Variants in CLSTN2 observed in about 807,000 individuals in gnomAD.
The protein encoded by CLSTN2 is calsyntenin 2.
CLSTN2 carries 48 observed loss-of-function variants against 101.2 expected under a neutral mutation model. The observed-to-expected ratio is 0.47, with a 90% CI of 0.38 to 0.60. The LOEUF (loss-of-function observed/expected upper bound fraction) is 0.60. Among genes scored for constraint, CLSTN2 ranks in the 20% least tolerant of loss-of-function variants. The pLI is 0.00. For missense variants in CLSTN2, 1,160 were observed against 1,238.2 expected (o/e 0.94, Z 0.95); for synonymous variants, 481 against 463.6 (o/e 1.04, Z -0.48).
At chr3:140,038,233 A>G (rs1159882632) in intron 1 of CLSTN2, among the ~76,000 whole-genome samples, 1 of 151,956 alleles carries the variant, frequency 6.6e-6, no homozygotes, top group African/African-American at 2.4e-5. Context: ...TTTAATAATC[A>G]CCATTCTGAC....
At chr3:140,339,025 G>T (rs79674896) in intron 2 of CLSTN2, among the ~76,000 whole-genome samples, 7 of 152,226 alleles carry the variant, frequency 4.6e-5, no homozygotes, top group South Asian at 2.1e-4. Flanking sequence ...GTCATGCTGC[G>T]CAGTGGCTCA....
chr3:140,515,724 G>T lies in CLSTN2; in HGVS notation c.1345-16600G>T, dbSNP rs540306403. 3.3e-5 allele frequency among the ~76,000 whole-genome samples: 5 copies of T among 152,214 alleles called. No individual in the cohort carries two copies. The South Asian group carries it at 1.0e-3, about 32-fold the overall frequency. Reference sequence around the variant, plus strand: ...TTTCCAATTTCATTGTGGTCTGAGAGAGTGTTTGATATAATTTCAATTTTT... The same window carrying T: ...TTTCCAATTTCATTGTGGTCTGAGATAGTGTTTGATATAATTTCAATTTTT... On this transcript the variant is annotated intron_variant, in intron 8 of 16. Transcript: ENST00000458420.
rs779137835 is a variant in CLSTN2, at chr3:140,299,320, G to A, written c.233-104309G>A. The stretch of plus-strand genomic sequence containing the variant: ...GCCGTTGTCCTTAACCAAACCTATA[G>A]GAATCCTTAGCCAAAAAAGATATTT... On this transcript the variant is annotated intron_variant, in intron 2 of 16. Coordinates refer to ENST00000458420, the MANE Select transcript of CLSTN2 (RefSeq NM_022131.3). Among the ~76,000 whole-genome samples, 4 of 152,108 alleles carry A rather than the reference G, an allele frequency of 2.6e-5. 1 individual carries two copies. The highest frequency in any genetic ancestry group is 5.9e-5 in the Non-Finnish European group (4 of 68,018).
intron 2 of CLSTN2, among the ~76,000 whole-genome samples, chr3:140,264,336 T>A (rs1446809450): frequency 8.3e-6 from 1 of 120,176 alleles, no homozygotes; most frequent in Admixed American, 8.9e-5. Flanking sequence ...CAGGCATGAG[T>A]TACAGAGCTG....
chr3:140,561,719 AG>A (rs1244510752), intron 12 of CLSTN2, among the ~76,000 whole-genome samples: 1 of 152,166 alleles, frequency 6.6e-6, no homozygotes, highest in African/African-American at 2.4e-5. Context: ...GCATGGTGGA[AG>A]GCCACTTACC....
chr3:140,519,856 C>A (rs1934992419), intron 8 of CLSTN2, among the ~76,000 whole-genome samples: 1 of 152,168 alleles, frequency 6.6e-6, no homozygotes, highest in South Asian at 2.1e-4. Flanking sequence ...CATCATGATG[C>A]TAGCTGGTTA....
In CLSTN2 at chr3:140,198,972, G is replaced by A. The variant is rs187386753; in HGVS notation, c.232+22899G>A. Among the ~76,000 whole-genome samples the A allele has an allele frequency of 7.9e-4, 121 of 152,296 alleles. 1 individual carries two copies. The highest frequency in any genetic ancestry group is 1.5e-3 in the Non-Finnish European group (104 of 68,024). Reference sequence around the variant, plus strand: ...TGGCTCTCAGCATCTAGGGAGGTCTGATTCTAATTCCCAGGTAGGATTCTC... The same window carrying A: ...TGGCTCTCAGCATCTAGGGAGGTCTAATTCTAATTCCCAGGTAGGATTCTC... On this transcript the variant is annotated intron_variant, in intron 2 of 16. Transcript: ENST00000458420.
chr3:140,152,200 T>A (rs891251803), intron 1 of CLSTN2, among the ~76,000 whole-genome samples: 20 of 152,322 alleles, frequency 1.3e-4, no homozygotes, highest in African/African-American at 4.8e-4. Flanking sequence ...CATGTTCTAA[T>A]GTCCTTGGGA....
chr3:140,270,786 C>T (rs779331316), intron 2 of CLSTN2, among the ~76,000 whole-genome samples: 5 of 152,168 alleles, frequency 3.3e-5, no homozygotes, highest in Non-Finnish European at 5.9e-5. Context: ...GCTTTATTCT[C>T]TCTTGAAAAG....
chr3:140,378,799 TGTG>T (rs954592023), intron 2 of CLSTN2, among the ~76,000 whole-genome samples: 1 of 152,184 alleles, frequency 6.6e-6, no homozygotes. Context: ...TTCTCTAAAA[TGTG>T]GTAAAAATAG....
At position 140,205,621 on chromosome 3, in the gene CLSTN2, C is replaced by CCCA. The variant is rs1280397324; in HGVS notation, c.232+29550_232+29551insACC. Among the ~76,000 whole-genome samples, 16 of 98,952 alleles carry CCCA rather than the reference C, an allele frequency of 1.6e-4. 2 individuals are homozygous for CCCA. Among genetic ancestry groups the CCCA allele is most frequent in the Non-Finnish European group, 3.2e-4 (15 of 47,568 alleles). 64.9% of individuals were successfully genotyped at this position (98,952 alleles called of 152,430 possible). A position where few individuals can be genotyped will look rare whatever the true frequency, so the allele number is the denominator to read the frequency against. The stretch of plus-strand genomic sequence containing the variant: ...AGTTGTTGTTTGGACCTGACCCGCC[C>CCCA]CCCACCCACACACACACACAGCCAC... On this transcript the variant is annotated intron_variant, in intron 2 of 16. Transcript: ENST00000458420.
intron 2 of CLSTN2, among the ~76,000 whole-genome samples, chr3:140,219,059 C>T (rs2086236280): frequency 6.6e-6 from 1 of 152,008 alleles, no homozygotes; most frequent in Non-Finnish European, 1.5e-5. Context: ...GGCATCAACT[C>T]CATCCACGCC....
intron 1 of CLSTN2, among the ~76,000 whole-genome samples, chr3:140,066,007 T>C (rs1001660617): frequency 2.6e-5 from 4 of 152,238 alleles, no homozygotes; most frequent in Admixed American, 6.5e-5. Flanking sequence ...CACTGATTGA[T>C]GGGCAGATAT....
intron 1 of CLSTN2, among the ~76,000 whole-genome samples, chr3:139,998,612 G>A (rs111267631): frequency 0.19 from 29,006 of 151,848 alleles, 3,196 homozygotes; most frequent in Admixed American, 0.33. Flanking sequence ...CCAAAGTGCT[G>A]GGATTACAGG....
intron 1 of CLSTN2, among the ~76,000 whole-genome samples, chr3:140,045,293 T>C (rs2007851817): frequency 6.6e-6 from 1 of 152,228 alleles, no homozygotes; most frequent in Non-Finnish European, 1.5e-5. Flanking sequence ...ATCCATTCCT[T>C]CTAGATTTTC....
In CLSTN2 at chr3:139,989,789, C is replaced by T. The variant is rs1936087423; in HGVS notation, c.109+54306C>T. Reference sequence around the variant, plus strand: ...TTCCACCAAGAGGCTTTTCCCACCACCCGGCCAGTCCATGGCACTTCCTAG... The same window carrying T: ...TTCCACCAAGAGGCTTTTCCCACCATCCGGCCAGTCCATGGCACTTCCTAG... On this transcript the variant is annotated intron_variant, in intron 1 of 16. Coordinates refer to ENST00000458420, the MANE Select transcript of CLSTN2 (RefSeq NM_022131.3). Among the ~76,000 whole-genome samples, 2 of 152,230 alleles carry T rather than the reference C, an allele frequency of 1.3e-5. 1 individual carries two copies. Among genetic ancestry groups the T allele is most frequent in the South Asian group, 4.1e-4 (2 of 4,822 alleles).
chr3:140,456,593 C>T (rs879187030), intron 6 of CLSTN2, among the ~76,000 whole-genome samples: 2 of 152,074 alleles, frequency 1.3e-5, no homozygotes, highest in Non-Finnish European at 2.9e-5. Flanking sequence ...TCAAGACCAG[C>T]CTGGCCAACA....
At chr3:140,395,826 G>C (rs2088176373) in intron 2 of CLSTN2, among the ~76,000 whole-genome samples, 1 of 152,146 alleles carries the variant, frequency 6.6e-6, no homozygotes, top group Non-Finnish European at 1.5e-5. Context: ...CAGCCCTCTG[G>C]CAGTGTGGTC....
chr3:140,328,331 A>C (rs1050588638), intron 2 of CLSTN2, among the ~76,000 whole-genome samples: 1 of 152,064 alleles, frequency 6.6e-6, no homozygotes, highest in African/African-American at 2.4e-5. Context: ...TCATTTTTCA[A>C]AACCCAGGGC....
Sources: gnomAD v4.1 joint callset for allele counts (sites outside exome capture counted in the v4.1 genomes callset) on GRCh38, gnomAD v4.1.1 for gene constraint, MANE v1.5 for transcripts, NCBI Gene and HGNC (gene_info 2026-07-23, HGNC 2026-07-21) for gene names.